The following SLC25A26 variants were observed in gnomAD, a reference collection of about 807,000 sequenced individuals.
The protein encoded by SLC25A26 is solute carrier family 25 member 26.
Under a neutral mutation model 37.8 loss-of-function variants are expected in SLC25A26, and 36 were observed. The ratio of observed to expected loss-of-function variants is 0.95; its 90% CI spans 0.73 to 1.26. The LOEUF (loss-of-function observed/expected upper bound fraction) is 1.26, where lower values mean the gene tolerates loss of function less well. Ranked by LOEUF, SLC25A26 falls within the 50% of genes most tolerant of loss-of-function variation. SLC25A26 has a pLI of 0.00. For missense variants in SLC25A26, 390 were observed against 331.1 expected, an observed-to-expected ratio of 1.18 and a Z score of -1.38; for synonymous variants, 129 against 122.5, an observed-to-expected ratio of 1.05 and a Z score of -0.35.
At chr3:66,178,674 C>T (rs1436736299) in intron 1 of SLC25A26, among the ~76,000 whole-genome samples, 2 of 152,098 alleles carry the variant, frequency 1.3e-5, no homozygotes, top group Non-Finnish European at 2.9e-5. Context: ...TGTTGAGATT[C>T]TAGATGTCTC....
chr3:66,252,098 GA>G (rs2073107259), intron 3 of SLC25A26, among the ~76,000 whole-genome samples: 1 of 152,194 alleles, frequency 6.6e-6, no homozygotes, highest in Admixed American at 6.5e-5. Context: ...TGGAAAGACT[GA>G]ATACTACTCT....
intron 1 of SLC25A26, among the ~76,000 whole-genome samples, chr3:66,188,268 C>A (rs1405511398): frequency 6.6e-6 from 1 of 152,106 alleles, no homozygotes; most frequent in African/African-American, 2.4e-5. Flanking sequence ...TGACCCAGAC[C>A]CTTATATTTA....
Position 66,231,412 on chromosome 3 carries a change from A to G in SLC25A26, c.34-5132A>G, listed in dbSNP as rs189124481. On this transcript the variant is annotated intron_variant, in intron 1 of 9. Coordinates refer to ENST00000354883, the MANE Select transcript of SLC25A26 (RefSeq NM_001379210.1). Reference sequence around the variant, plus strand: ...ATGAATTTTGAATGGCTTAGCTTTTATATATTTGTAATATTCATTACAAAA... The same window carrying G: ...ATGAATTTTGAATGGCTTAGCTTTTGTATATTTGTAATATTCATTACAAAA... Among the ~76,000 whole-genome samples, 107 of 152,236 alleles carry G rather than the reference A, an allele frequency of 7.0e-4. 2 individuals carry two copies. The East Asian group carries it at 0.02, about 29-fold the overall frequency.
At chr3:66,141,134 A>G (rs916157579) in intron 1 of SLC25A26, among the ~76,000 whole-genome samples, 1 of 151,672 alleles carries the variant, frequency 6.6e-6, no homozygotes, top group African/African-American at 2.4e-5. Context: ...ATTTATGTCA[A>G]TTTCTTTGTT....
chr3:66,314,497 G>A (rs930668672), intron 5 of SLC25A26, among the ~76,000 whole-genome samples: 1 of 152,092 alleles, frequency 6.6e-6, no homozygotes, highest in African/African-American at 2.4e-5. Context: ...GGTTTTTGAT[G>A]TGCTGCTGTA....
intron 1 of SLC25A26, among the ~76,000 whole-genome samples, chr3:66,175,107 G>A (rs1256304891): frequency 3.7e-5 from 3 of 80,544 alleles, no homozygotes; most frequent in Non-Finnish European, 4.9e-5. Flanking sequence ...ATATGTGTGT[G>A]TGTATATATA....
At chr3:66,141,322 G>A (rs1171992814) in intron 1 of SLC25A26, among the ~76,000 whole-genome samples, 1 of 151,520 alleles carries the variant, frequency 6.6e-6, no homozygotes, top group African/African-American at 2.4e-5. Context: ...GGCCTCGAGG[G>A]CTCAAGAAAT....
At chr3:66,373,008 C>A (rs918739016) in intron 9 of SLC25A26, among the ~76,000 whole-genome samples, 1 of 152,220 alleles carries the variant, frequency 6.6e-6, no homozygotes, top group Non-Finnish European at 1.5e-5. Flanking sequence ...CAGGTGAAGA[C>A]CTTGTTCTGG....
chr3:66,288,362 T>C (rs1281484171), intron 5 of SLC25A26, among the ~76,000 whole-genome samples: 1 of 152,178 alleles, frequency 6.6e-6, no homozygotes, highest in Non-Finnish European at 1.5e-5. Flanking sequence ...CTGGGATACA[T>C]GTGCAGAATG....
At chr3:66,341,198 T>C (rs1055142231) in intron 5 of SLC25A26, among the ~76,000 whole-genome samples, 1 of 152,170 alleles carries the variant, frequency 6.6e-6, no homozygotes, top group Non-Finnish European at 1.5e-5. Flanking sequence ...CCATTAAGAA[T>C]GATATTAGCC....
intron 3 of SLC25A26, among the ~76,000 whole-genome samples, chr3:66,244,405 C>T (rs1401798075): frequency 2.0e-5 from 3 of 152,102 alleles, no homozygotes; most frequent in Non-Finnish European, 2.9e-5. Context: ...ATCTCTCTCT[C>T]GAAGTAGGCA....
chr3:66,174,002 G>A (rs951715290), intron 1 of SLC25A26, among the ~76,000 whole-genome samples: 3 of 151,888 alleles, frequency 2.0e-5, no homozygotes, highest in South Asian at 2.1e-4. Flanking sequence ...GCAGTGAGCC[G>A]AGATCGTGCC....
intron 1 of SLC25A26, among the ~76,000 whole-genome samples, chr3:66,215,039 CA>C (rs2071340134): frequency 1.3e-5 from 2 of 152,250 alleles, no homozygotes; most frequent in South Asian, 4.1e-4. Context: ...GAAGGAGAAT[CA>C]CTTGAACCTG....
At chr3:66,190,756 A>AT (rs2070926427) in intron 1 of SLC25A26, among the ~76,000 whole-genome samples, 1 of 152,178 alleles carries the variant, frequency 6.6e-6, no homozygotes, top group South Asian at 2.1e-4. Flanking sequence ...CAAGTGTCTG[A>AT]TTTTTTCTTT....
chr3:66,371,379 C>G (rs911167042), intron 9 of SLC25A26: 2 of 1,528,026 alleles, frequency 1.3e-6, no homozygotes, highest in African/African-American at 2.8e-5. Context: ...CAGTTTTAAT[C>G]TCAGCTATTT....
intron 5 of SLC25A26, among the ~76,000 whole-genome samples, chr3:66,300,251 G>GTTTTTTTTTTTTTTTT (rs1309490705): frequency 5.2e-4 from 58 of 111,574 alleles, no homozygotes; most frequent in Non-Finnish European, 9.2e-4. Flanking sequence ...GGGTTTTTTT[G>GTTTTTTTTTTTTTTTT]TTTTGTTTTT....
chr3:66,375,079 G>A (rs182864371), intron 9 of SLC25A26, among the ~76,000 whole-genome samples: 6 of 152,290 alleles, frequency 3.9e-5, no homozygotes, highest in African/African-American at 9.6e-5. Flanking sequence ...CAGCCTCATT[G>A]CACATACGAA....
intron 1 of SLC25A26, among the ~76,000 whole-genome samples, chr3:66,210,580 T>C (rs924830146): frequency 1.3e-5 from 2 of 152,096 alleles, no homozygotes; most frequent in African/African-American, 4.8e-5. Flanking sequence ...AGTGGTGTGA[T>C]CTTTGCTCAC....
chr3:66,222,265 C>G (rs1389257545), intron 1 of SLC25A26, among the ~76,000 whole-genome samples: 2 of 151,392 alleles, frequency 1.3e-5, no homozygotes, highest in African/African-American at 2.4e-5. Flanking sequence ...ACTGCAGGCT[C>G]CACCTCTCGG....
Sources: allele counts gnomAD v4.1 joint callset (sites outside exome capture counted in the v4.1 genomes callset), GRCh38; gene constraint gnomAD v4.1.1; transcripts MANE v1.5; gene names NCBI Gene and HGNC (gene_info 2026-07-23, HGNC 2026-07-21).